Variants in MANBA observed in about 807,000 individuals in gnomAD.
MANBA encodes the protein mannosidase beta.
Under a neutral mutation model 111.1 loss-of-function variants are expected in MANBA, and 83 were observed. The ratio of observed to expected loss-of-function variants is 0.75; its 90% CI spans 0.63 to 0.90. MANBA has a LOEUF of 0.90. MANBA is among the 40% of genes least tolerant of loss of function. The pLI is 0.00. For synonymous variants in MANBA, 370 were observed against 378.7 expected, an observed-to-expected ratio of 0.98 and a Z score of 0.27; for missense variants, 1,036 against 1,069.0, an observed-to-expected ratio of 0.97 and a Z score of 0.43.
At chr4:102,632,324 A>C in intron 16 of MANBA, 43 bp from the exon 17 acceptor site, 2 of 1,404,520 alleles carry the variant, frequency 1.4e-6, no homozygotes, top group Non-Finnish European at 2.0e-6. Context: ...AGGATGAGGG[A>C]AGAGTTATAT....
At chr4:102,729,278 C>A in intron 1 of MANBA, 1 of 752,972 alleles carries the variant, frequency 1.3e-6, no homozygotes, top group Non-Finnish European at 2.5e-6. Context: ...CACTGCAGGT[C>A]ATCCTCGTGC....
At chr4:102,659,012 T>C (rs1560753799) in intron 11 of MANBA, 1 of 152,190 alleles carries the variant, frequency 6.6e-6, no homozygotes, top group Non-Finnish European at 1.5e-5. Context: ...GTCTATTGTG[T>C]CTGGCATTTT....
intron 5 of MANBA, among the ~76,000 whole-genome samples, chr4:102,706,025 GC>G (rs1056768305): frequency 1.3e-5 from 2 of 152,150 alleles, no homozygotes; most frequent in African/African-American, 4.8e-5. Flanking sequence ...TCCTGCCACT[GC>G]TACTGCCATT....
At chr4:102,716,270 C>G (rs113967832) in intron 4 of MANBA, among the ~76,000 whole-genome samples, 4 of 129,790 alleles carry the variant, frequency 3.1e-5, no homozygotes, top group African/African-American at 1.2e-4. Flanking sequence ...GATCGCACCA[C>G]TGCACTCCAG....
At position 102,711,709 on chromosome 4, in the gene MANBA, G is replaced by A. The variant is rs137985211; in HGVS notation, c.673+2729C>T. On this transcript the variant is annotated intron_variant, in intron 5 of 16. Transcript: ENST00000647097. Reference sequence around the variant, plus strand: ...TAGCAAAGATATAGAATCAACCTAAGTGTCCATCAACAGATGAATGGCTAA... The same window carrying A: ...TAGCAAAGATATAGAATCAACCTAAATGTCCATCAACAGATGAATGGCTAA... Among the ~76,000 whole-genome samples, 840 of 152,230 alleles carry A rather than the reference G, an allele frequency of 5.5e-3. 7 individuals carry two copies. Among genetic ancestry groups the A allele is most frequent in the African/African-American group, 0.02 (811 of 41,544 alleles).
chr4:102,728,110 C>T (rs1722881018), intron 1 of MANBA: 1 of 536,736 alleles, frequency 1.9e-6, no homozygotes, highest in Non-Finnish European at 3.8e-6. Context: ...AGACTGCTGC[C>T]TTATGCTCTT....
chr4:102,749,552 C>A (rs1578959819), intron 1 of MANBA, among the ~76,000 whole-genome samples: 1 of 152,132 alleles, frequency 6.6e-6, no homozygotes, highest in African/African-American at 2.4e-5. Flanking sequence ...ATAACTGTTC[C>A]ATTTGTTTAC....
intron 5 of MANBA, among the ~76,000 whole-genome samples, chr4:102,708,236 A>T (rs1733391503): frequency 6.6e-6 from 1 of 152,164 alleles, no homozygotes; most frequent in Non-Finnish European, 1.5e-5. Context: ...TATTCTCAAG[A>T]ATAGATAATA....
chr4:102,718,344 G>A (rs1032475261), intron 4 of MANBA, among the ~76,000 whole-genome samples: 4 of 152,188 alleles, frequency 2.6e-5, no homozygotes, highest in African/African-American at 9.7e-5. Context: ...AGACAAGTTG[G>A]ACGGAAGACA....
intron 1 of MANBA, among the ~76,000 whole-genome samples, chr4:102,759,341 A>G (rs970506597): frequency 1.3e-5 from 2 of 152,080 alleles, no homozygotes; most frequent in East Asian, 3.9e-4. Flanking sequence ...TAATTATTTC[A>G]GTAAAATCAG....
intron 12 of MANBA, among the ~76,000 whole-genome samples, chr4:102,652,397 T>C (rs916152972): frequency 2.6e-5 from 4 of 152,194 alleles, no homozygotes; most frequent in African/African-American, 7.2e-5. Context: ...TTGTAATAAT[T>C]TGAATCTATC....
intron 1 of MANBA, among the ~76,000 whole-genome samples, chr4:102,730,932 C>T (rs979519383): frequency 6.6e-6 from 1 of 152,124 alleles, no homozygotes; most frequent in African/African-American, 2.4e-5. Context: ...CCCCATGTTC[C>T]CCTGAAACTG....
intron 5 of MANBA, 107 bp downstream of exon 5, chr4:102,714,331 T>A: frequency 8.6e-7 from 1 of 1,167,828 alleles, no homozygotes. Flanking sequence ...ACAAAGTTTT[T>A]AAAAATTCTA....
At chr4:102,737,478 TTTTG>T (rs1394239013) in intron 1 of MANBA, among the ~76,000 whole-genome samples, 2 of 151,736 alleles carry the variant, frequency 1.3e-5, no homozygotes, top group Non-Finnish European at 2.9e-5. Flanking sequence ...GTGGTGTTTT[TTTTG>T]TTTGTTTGTT....
At chr4:102,734,287 G>A in intron 1 of MANBA, 3 of 1,438,472 alleles carry the variant, frequency 2.1e-6, no homozygotes, top group East Asian at 2.4e-5. Context: ...GGGGAGAAGG[G>A]CAGCAGCGTG....
chr4:102,654,350 A>G (rs1026131884), intron 12 of MANBA, among the ~76,000 whole-genome samples: 7 of 152,178 alleles, frequency 4.6e-5, no homozygotes, highest in Non-Finnish European at 8.8e-5. Flanking sequence ...TATATGTTTC[A>G]AAACATCACG....
intron 7 of MANBA, among the ~76,000 whole-genome samples, chr4:102,677,114 A>T (rs1283959794): frequency 2.6e-5 from 4 of 152,144 alleles, no homozygotes; most frequent in Non-Finnish European, 5.9e-5. Flanking sequence ...ATGTAAGCTG[A>T]ATTGGCCTTG....
In MANBA at chr4:102,631,947, C is replaced by T. The variant is rs527530668; in HGVS notation, c.*110G>A. The T allele has an allele frequency of 7.5e-5, 71 of 940,644 alleles. No homozygotes were observed. Among genetic ancestry groups the T allele is most frequent in the African/African-American group, 7.0e-4 (43 of 61,680 alleles). The allele number at this position is 940,644 out of a possible 1,614,324, so 58.3% of individuals were successfully genotyped here. ...GCAATCGCTCAAATGCGTGGCAGCA[C>T]GCAGACATGTCTCTCGGCTTCTCTC... On this transcript the variant is annotated 3_prime_UTR_variant, in exon 17 of 17. Coordinates refer to ENST00000647097, the MANE Select transcript of MANBA (RefSeq NM_005908.4).
chr4:102,759,811 TTC>T (rs1304715761), intron 1 of MANBA, among the ~76,000 whole-genome samples: 4 of 152,188 alleles, frequency 2.6e-5, no homozygotes, highest in African/African-American at 7.2e-5. Flanking sequence ...CCTTCCTAAT[TTC>T]TCTGTGTTCC....
Sources: allele counts gnomAD v4.1 joint callset (sites outside exome capture counted in the v4.1 genomes callset), GRCh38; gene constraint gnomAD v4.1.1; transcripts MANE v1.5; gene names NCBI Gene and HGNC (gene_info 2026-07-23, HGNC 2026-07-21).